DPP10: variants seen among roughly 807,000 people sequenced by gnomAD.
DPP10 encodes inactive dipeptidyl peptidase 10.
In DPP10, 33 loss-of-function variants were observed where a neutral mutation model predicts 120.9. The ratio of observed to expected loss-of-function variants is 0.27; its 90% CI spans 0.21 to 0.37. The LOEUF (loss-of-function observed/expected upper bound fraction) is 0.37, where lower values mean the gene tolerates loss of function less well. Ranked by LOEUF, DPP10 falls within the 10% of genes least tolerant of loss-of-function variation. The probability of loss-of-function intolerance (pLI) is 1.00; values close to 1 mark genes in which losing one functional copy is unlikely to be tolerated. For synonymous variants in DPP10, 337 were observed against 326.1 expected, an observed-to-expected ratio of 1.03 and a Z score of -0.36; for missense variants, 816 against 942.8, an observed-to-expected ratio of 0.87 and a Z score of 1.76.
chr2:114,597,012 T>C (rs1691965990), intron 1 of DPP10, among the ~76,000 whole-genome samples: 1 of 152,006 alleles, frequency 6.6e-6, no homozygotes, highest in South Asian at 2.1e-4. Context: ...GTCAGAAAGA[T>C]GAACAGATGA....
At position 115,495,992 on chromosome 2, in the gene DPP10, ATTAC is replaced by A. The variant is rs201601125; in HGVS notation, c.272-3514_272-3511del. Reference sequence around the variant, plus strand: ...CATTGATCTGATTCACTCATATTTGATTACTTAAAGTTAAACAAAATATATCATA... The same window carrying A: ...CATTGATCTGATTCACTCATATTTGATTAAAGTTAAACAAAATATATCATA... On this transcript the variant is annotated intron_variant, in intron 3 of 25. Coordinates refer to ENST00000410059, the MANE Select transcript of DPP10 (RefSeq NM_020868.6). Among the ~76,000 whole-genome samples the A allele has an allele frequency of 4.2e-3, 646 of 152,262 alleles. 5 individuals are homozygous for A. The highest frequency in any genetic ancestry group is 0.03 in the South Asian group (147 of 4,830).
At chr2:114,523,313 G>A (rs1389955408) in intron 1 of DPP10, among the ~76,000 whole-genome samples, 1 of 152,164 alleles carries the variant, frequency 6.6e-6, no homozygotes, top group Non-Finnish European at 1.5e-5. Context: ...GGGATAAATA[G>A]GGGTGTAACT....
At chr2:114,586,017 G>A (rs1690951399) in intron 1 of DPP10, among the ~76,000 whole-genome samples, 1 of 152,170 alleles carries the variant, frequency 6.6e-6, no homozygotes, top group African/African-American at 2.4e-5. Context: ...GGAAGCTGAG[G>A]TGAGCAGATT....
chr2:114,859,537 C>A lies in DPP10; in HGVS notation c.60+416699C>A, dbSNP rs772248379. On this transcript the variant is annotated intron_variant, in intron 1 of 25. Transcript: ENST00000410059. ...CCAATTTGATTCAACAGATTATTCA[C>A]GGGAATAATCAAACTAGTAATTTGA... Among the ~76,000 whole-genome samples the A allele has an allele frequency of 2.0e-5, 3 of 152,060 alleles. No homozygotes were observed. The South Asian group carries it at 6.2e-4, about 32-fold the overall frequency.
chr2:114,646,068 G>T (rs1696100153), intron 1 of DPP10, among the ~76,000 whole-genome samples: 1 of 151,980 alleles, frequency 6.6e-6, no homozygotes, highest in African/African-American at 2.4e-5. Flanking sequence ...GCCGAGGCAG[G>T]AGAATTGCTT....
intron 1 of DPP10, among the ~76,000 whole-genome samples, chr2:115,090,871 G>A (rs1709192507): frequency 1.3e-5 from 2 of 152,224 alleles, no homozygotes; most frequent in Admixed American, 6.5e-5. Context: ...GGGCTGGCAT[G>A]TCTCTGGTCA....
At chr2:115,733,747 T>C (rs1262063126) in intron 8 of DPP10, among the ~76,000 whole-genome samples, 2 of 152,180 alleles carry the variant, frequency 1.3e-5, no homozygotes, top group Non-Finnish European at 2.9e-5. Flanking sequence ...CTCAGTATTG[T>C]GGAAGTGCTT....
chr2:115,056,905 A>T (rs1265079154), intron 1 of DPP10, among the ~76,000 whole-genome samples: 1 of 152,214 alleles, frequency 6.6e-6, no homozygotes, highest in Non-Finnish European at 1.5e-5. Context: ...TTAAAAATAG[A>T]TTAGTTTTGT....
intron 1 of DPP10, among the ~76,000 whole-genome samples, chr2:115,228,053 G>A (rs1208790029): frequency 1.3e-5 from 2 of 151,778 alleles, no homozygotes; most frequent in African/African-American, 4.8e-5. Context: ...CTCCTGAGTG[G>A]TTGGGACTAC....
chr2:114,609,690 A>G (rs1693124966), intron 1 of DPP10, among the ~76,000 whole-genome samples: 1 of 152,234 alleles, frequency 6.6e-6, no homozygotes, highest in Admixed American at 6.5e-5. Flanking sequence ...ATTCCAAACT[A>G]TCGCATCCAA....
intron 12 of DPP10, 112 bp downstream of exon 12, chr2:115,762,722 A>G: frequency 8.3e-7 from 1 of 1,209,274 alleles, no homozygotes; most frequent in Non-Finnish European, 1.2e-6. Context: ...GCTAGGTTTG[A>G]CAGAGTGATC....
At chr2:114,808,184 A>C (rs1684896497) in intron 1 of DPP10, among the ~76,000 whole-genome samples, 1 of 152,172 alleles carries the variant, frequency 6.6e-6, no homozygotes, top group Non-Finnish European at 1.5e-5. Context: ...AATGTATTCA[A>C]ATGGTGGATC....
intron 2 of DPP10, among the ~76,000 whole-genome samples, chr2:115,334,421 A>C (rs1469726336): frequency 6.6e-6 from 1 of 151,326 alleles, no homozygotes; most frequent in Admixed American, 6.6e-5. Flanking sequence ...GAATGGATGA[A>C]TTAGGCTTCA....
chr2:114,638,376 A>C (rs1042079235), intron 1 of DPP10, among the ~76,000 whole-genome samples: 9 of 151,884 alleles, frequency 5.9e-5, no homozygotes, highest in Non-Finnish European at 1.3e-4. Context: ...AAATATTTGC[A>C]AACCATACAT....
intron 1 of DPP10, among the ~76,000 whole-genome samples, chr2:115,219,532 A>G (rs967142824): frequency 2.6e-5 from 4 of 152,290 alleles, no homozygotes; most frequent in East Asian, 1.9e-4. Context: ...AAGCTGTTCC[A>G]TAAAGAATAA....
At chr2:115,233,594 G>A (rs925746553) in intron 1 of DPP10, among the ~76,000 whole-genome samples, 2 of 152,032 alleles carry the variant, frequency 1.3e-5, no homozygotes, top group Non-Finnish European at 1.5e-5. Flanking sequence ...CATTCAAATG[G>A]GAGTTCACTC....
chr2:115,031,882 A>G, intron 1 of DPP10, among the ~76,000 whole-genome samples: 1 of 152,150 alleles, frequency 6.6e-6, no homozygotes, highest in East Asian at 1.9e-4. Flanking sequence ...AATCACTGTG[A>G]AACACAGACC....
chr2:114,799,679 T>C (rs1240899818), intron 1 of DPP10, among the ~76,000 whole-genome samples: 2 of 152,206 alleles, frequency 1.3e-5, no homozygotes, highest in Admixed American at 6.5e-5. Context: ...CTAGTTTTTG[T>C]TTTTACACAG....
intron 1 of DPP10, among the ~76,000 whole-genome samples, chr2:114,450,148 T>C (rs899199118): frequency 5.3e-5 from 8 of 152,114 alleles, no homozygotes; most frequent in African/African-American, 1.9e-4. Context: ...ATGATCTCTG[T>C]GCTTCTAGAC....
Sources: gnomAD v4.1 joint callset for allele counts (sites outside exome capture counted in the v4.1 genomes callset) on GRCh38, gnomAD v4.1.1 for gene constraint, MANE v1.5 for transcripts, NCBI Gene and HGNC (gene_info 2026-07-23, HGNC 2026-07-21) for gene names.